The following HLA-DOA variants were observed in gnomAD, a reference collection of about 807,000 sequenced individuals.
HLA-DOA encodes major histocompatibility complex, class II, DO alpha, also known as HLA class II histocompatibility antigen, DO alpha chain.
Under a neutral mutation model 22.9 loss-of-function variants are expected in HLA-DOA, and 27 were observed. The observed-to-expected ratio is 1.18, with a 90% CI of 0.87 to 1.62. The LOEUF (loss-of-function observed/expected upper bound fraction) is 1.62, where lower values mean the gene tolerates loss of function less well. Among genes scored for constraint, HLA-DOA ranks in the 40% most tolerant of loss-of-function variants. The probability of loss-of-function intolerance (pLI) is 0.00; values close to 1 mark genes in which losing one functional copy is unlikely to be tolerated. For synonymous variants in HLA-DOA, 137 were observed against 138.6 expected (o/e 0.99, Z 0.08); for missense variants, 324 against 332.4 (o/e 0.97, Z 0.20).
At chr6:33,007,755 G>A in intron 2 of HLA-DOA, 163 bp from the exon 3 acceptor site, 1 of 896,536 alleles carries the variant, frequency 1.1e-6, no homozygotes, top group Non-Finnish European at 1.7e-6. Flanking sequence ...AGAGGAGACT[G>A]GGGAGGGAGT....
Position 33,008,077 on chromosome 6 carries a change from G to C in HLA-DOA, c.267C>G (p.Ile89Met), listed in dbSNP as rs1436879560. 1 of 1,612,946 alleles carries C rather than the reference G, an allele frequency of 6.2e-7. No individual in the cohort carries two copies. Among genetic ancestry groups the C allele is most frequent in the Non-Finnish European group, 8.5e-7 (1 of 1,180,040 alleles). The change falls in exon 2 of 5, where the codon ATC becomes ATG. Residue 89 changes from isoleucine to methionine, a missense_variant. Physicochemically the swap from Ile to Met is conservative, Grantham distance 10. Coordinates refer to ENST00000229829, the MANE Select transcript of HLA-DOA (RefSeq NM_002119.4). ...TGTCCAGATGGGCTTTGATTGCGGC[G>C]ATGCCGGCCAGCCCGCCCTGCGGGT... is the stretch of plus-strand genomic sequence containing the variant. The part of the protein sequence containing the change: ...RFDPQGGLAG[I>M]AAIKAHLDIL...
intron 2 of HLA-DOA, 42 bp from the exon 3 acceptor site, chr6:33,007,634 C>T (rs765405279): frequency 1.3e-6 from 2 of 1,576,940 alleles, no homozygotes; most frequent in Non-Finnish European, 1.7e-6. Context: ...CATCCCTCAC[C>T]CCAGGGCCTT....
intron 2 of HLA-DOA, 171 bp downstream of exon 2, chr6:33,007,842 G>A: frequency 3.1e-6 from 3 of 958,708 alleles, no homozygotes; most frequent in East Asian, 5.1e-5. Flanking sequence ...CTCAAGGAGA[G>A]GGGTGCCAAA....
chr6:33,006,520 C>A lies in HLA-DOA; in HGVS notation c.*318G>T. On this transcript the variant is annotated 3_prime_UTR_variant, in exon 5 of 5. Transcript: ENST00000229829. ...TGCCAATCCCCAGCACCACATGCCT[C>A]ACCCCTGGAAGAACTGGCCAAGGCC... The A allele has an allele frequency of 1.8e-6, 1 of 549,486 alleles. No individual in the cohort carries two copies. The highest frequency in any genetic ancestry group is 3.1e-5 in the Admixed American group (1 of 32,656). 34.0% of individuals were successfully genotyped at this position (549,486 alleles called of 1,614,324 possible).
rs29029539 is a variant in HLA-DOA at position 33,008,209 on chromosome 6, C to T, written c.135G>A (p.Ser45=). 3.6e-3 allele frequency: 5,778 copies of T among 1,612,420 alleles called. 19 individuals carry two copies. Among genetic ancestry groups the T allele is most frequent in the Middle Eastern group, 4.5e-3 (27 of 6,062 alleles). ...CATCAAATTCATGGGTGAACTGGCC[C>T]GAGGCGCCGTAAGACTGGTAGAAGG... ...GPAFYQSYGA[S]GQFTHEFDEE... Residue 45 remains serine, a synonymous_variant, in exon 2 of 5, where the codon TCG becomes TCA. Coordinates refer to ENST00000229829, the MANE Select transcript of HLA-DOA (RefSeq NM_002119.4).
chr6:33,006,899 A>C, intron 4 of HLA-DOA, 58 bp from the exon 5 acceptor site: 2 of 1,490,480 alleles, frequency 1.3e-6, no homozygotes, highest in Admixed American at 3.3e-5. Flanking sequence ...CTGGGATCCT[A>C]TCTCTGAGTG....
chr6:33,008,184 C>A lies in HLA-DOA; in HGVS notation c.160G>T (p.Glu54Ter), dbSNP rs1318051685. 1 of 1,613,058 alleles carries A rather than the reference C, an allele frequency of 6.2e-7. No homozygotes were observed. The highest frequency in any genetic ancestry group is 8.5e-7 in the Non-Finnish European group (1 of 1,180,038). The change falls in exon 2 of 5, where the codon GAG becomes TAG. Residue 54 changes from glutamate (E) to a stop codon, truncating the protein, a stop_gained. Transcript: ENST00000229829. LOFTEE classifies it high-confidence loss of function. ...AGGTCCACAGAGAACAGCTGTTCCT[C>A]ATCAAATTCATGGGTGAACTGGCCC... ...ASGQFTHEFD[E>*]EQLFSVDLKK... is the part of the protein sequence containing the mutation.
rs777629834 is a variant in HLA-DOA, at chr6:33,008,135, C to T, written c.209G>A (p.Arg70His). The T allele has an allele frequency of 6.2e-6, 10 of 1,612,972 alleles. No individual in the cohort carries two copies. The highest frequency in any genetic ancestry group is 2.2e-5 in the East Asian group (1 of 44,890). ...GGCAAAGTCACCAAACTCAGGCAGA[C>T]GCCACACGGCCTCGCTTTTCTTCAG... ...VDLKKSEAVW[R>H]LPEFGDFARF... The change falls in exon 2 of 5, where the codon CGT (arginine) becomes CAT (histidine). Residue 70 changes from arginine (R) to histidine (H), a missense_variant. Arg to His is a conservative substitution (Grantham distance 29, BLOSUM62 0). Transcript: ENST00000229829.
rs150946180 is a variant in HLA-DOA, at chr6:33,009,182, G to A, written c.82+273C>T. 1.9e-4 allele frequency among the ~76,000 whole-genome samples: 29 copies of A among 152,262 alleles called. No homozygotes were observed. The highest frequency in any genetic ancestry group is 6.5e-4 in the African/African-American group (27 of 41,540). ...GGTGCTTGCTGGCATCTGTTGGGTG[G>A]AGGTTTGGGTCTCAGGAAGGAGGAA... On this transcript the variant is annotated intron_variant, in intron 1 of 4. Coordinates refer to ENST00000229829, the MANE Select transcript of HLA-DOA (RefSeq NM_002119.4). The surrounding 1 kb of genome is among the most constrained non-coding windows in gnomAD (Gnocchi z 4.8).
Position 33,008,089 on chromosome 6 carries a change from C to T in HLA-DOA, c.255G>A (p.Gly85=), listed in dbSNP as rs1444734019. 1 of 1,613,062 alleles carries T rather than the reference C, an allele frequency of 6.2e-7. No homozygotes were observed. The highest frequency in any genetic ancestry group is 1.7e-5 in the Admixed American group (1 of 60,024). Residue 85 remains glycine, a synonymous_variant, in exon 2 of 5, where the codon GGG becomes GGA. Transcript: ENST00000229829. ...GDFARFDPQG[G]LAGIAAIKAH... Reference sequence around the variant, plus strand: ...CTTTGATTGCGGCGATGCCGGCCAGCCCGCCCTGCGGGTCAAAGCGGGCAA... The same window carrying T: ...CTTTGATTGCGGCGATGCCGGCCAGTCCGCCCTGCGGGTCAAAGCGGGCAA...
chr6:33,007,186 C>T lies in HLA-DOA; in HGVS notation c.643G>A (p.Ala215Thr). Residue 215 changes from alanine to threonine, a missense_variant, in exon 4 of 5, where the codon GCC (alanine) becomes ACC (threonine). Coordinates refer to ENST00000229829, the MANE Select transcript of HLA-DOA (RefSeq NM_002119.4). The part of the protein sequence containing the change: ...ELQVPIPPPD[A>T]METLVCALGL... ...AGGGCACAGACCAGGGTCTCCATGG[C>T]ATCTGGTGGTGGAATAGGCACCTGG... 1 of 1,613,866 alleles carries T rather than the reference C, an allele frequency of 6.2e-7. No individual in the cohort carries two copies. The highest frequency in any genetic ancestry group is 8.5e-7 in the Non-Finnish European group (1 of 1,180,036).
Position 33,006,192 on chromosome 6 carries a change from T to C in HLA-DOA, c.*646A>G, listed in dbSNP as rs1477529067. 1 of 140,244 alleles carries C rather than the reference T, an allele frequency of 7.1e-6. No individual in the cohort carries two copies. The highest frequency in any genetic ancestry group is 1.6e-5 in the Non-Finnish European group (1 of 63,130). The allele number at this position is 140,244 out of a possible 1,614,324, so 8.7% of individuals were successfully genotyped here. A position where few individuals can be genotyped will look rare whatever the true frequency, so the allele number is the denominator to read the frequency against. ...CCAAGCCTTGGGCCTCTCTTTATCA[T>C]GCATGGGACTCTAGGGAAAAGTAGA... is the stretch of plus-strand genomic sequence containing the variant. On this transcript the variant is annotated 3_prime_UTR_variant, in exon 5 of 5. Transcript: ENST00000229829.
In HLA-DOA at chr6:33,007,095, AC is replaced by A; in HGVS notation, c.733del (p.Val245CysfsTer36). 1 of 1,612,618 alleles carries A rather than the reference AC, an allele frequency of 6.2e-7. No individual in the cohort carries two copies. Among genetic ancestry groups the A allele is most frequent in the South Asian group, 1.1e-5 (1 of 90,988 alleles). On this transcript the variant is annotated frameshift_variant, in exon 4 of 5. Transcript: ENST00000229829. LOFTEE classifies it high-confidence loss of function. ...GTVLIIMGTY[V>X]SSVPR ...GCCTCTGCACCTGGGGACACTGGACACATATGTGCCCATGATGATGAGGACG... is the reference window on the plus strand; with the variant it reads ...GCCTCTGCACCTGGGGACACTGGACAATATGTGCCCATGATGATGAGGACG...
chr6:33,006,943 A>T, intron 4 of HLA-DOA, 102 bp from the exon 5 acceptor site: 7 of 1,436,506 alleles, frequency 4.9e-6, no homozygotes, highest in Non-Finnish European at 6.8e-6. Context: ...CTCTCACCCC[A>T]CCTCTGCTTC....
At chr6:33,007,703 T>C in intron 2 of HLA-DOA, 111 bp from the exon 3 acceptor site, 3 of 1,259,084 alleles carry the variant, frequency 2.4e-6, no homozygotes, top group Non-Finnish European at 3.3e-6. Flanking sequence ...CAGGGGATGC[T>C]CTGGGGTATC....
At position 33,007,392 on chromosome 6, in the gene HLA-DOA, G is replaced by C. The variant is rs1361221366; in HGVS notation, c.532C>G (p.Pro178Ala). Reference sequence around the variant, plus strand: ...ACGTCCTCGGCTGAGGGCACGAAGGGCAGGTAGTGGAACTTGCGGAACAAA... The same window carrying C: ...ACGTCCTCGGCTGAGGGCACGAAGGCCAGGTAGTGGAACTTGCGGAACAAA... ...DHLFRKFHYL[P>A]FVPSAEDVYD... The change falls in exon 3 of 5, where the codon CCC becomes GCC. Residue 178 changes from proline (P) to alanine (A), a missense_variant. By Grantham distance (27) the Pro-to-Ala change is conservative. Coordinates refer to ENST00000229829, the MANE Select transcript of HLA-DOA (RefSeq NM_002119.4). 2 of 1,605,228 alleles carry C rather than the reference G, an allele frequency of 1.2e-6. No individual in the cohort carries two copies. The highest frequency in any genetic ancestry group is 1.7e-6 in the Non-Finnish European group (2 of 1,175,142).
chr6:33,007,922 G>C (rs9276981), intron 2 of HLA-DOA, 91 bp downstream of exon 2: 273,971 of 1,472,446 alleles, frequency 0.19, 26,109 homozygotes, highest in African/African-American at 0.26. Context: ...GGCGCTGAGA[G>C]CGCGCCCCAG....
Position 33,008,536 on chromosome 6 carries a change from T to C in HLA-DOA, c.83-275A>G, listed in dbSNP as rs41270514. ...GGACTGCCTAAAATCATGCTTGGGG[T>C]TCCAGAATTTAAATCTTGGCTGTGG... On this transcript the variant is annotated intron_variant, in intron 1 of 4. Transcript: ENST00000229829. 2,149 of 778,932 alleles carry C rather than the reference T, an allele frequency of 2.8e-3. 19 individuals carry two copies. Among genetic ancestry groups the C allele is most frequent in the South Asian group, 0.016 (644 of 40,738 alleles). 48.3% of individuals were successfully genotyped at this position (778,932 alleles called of 1,614,324 possible).
Position 33,006,798 on chromosome 6 carries a change from G to T in HLA-DOA, c.*40C>A. The T allele has an allele frequency of 1.2e-6, 2 of 1,612,948 alleles. No individual in the cohort carries two copies. The highest frequency in any genetic ancestry group is 1.7e-6 in the Non-Finnish European group (2 of 1,179,912). ...GGCTGTCACAAACCCATGAGGATCTGCAGGGTGTCTCCCACAAGTCATTTC... is the reference window on the plus strand; with the variant it reads ...GGCTGTCACAAACCCATGAGGATCTTCAGGGTGTCTCCCACAAGTCATTTC... On this transcript the variant is annotated 3_prime_UTR_variant, in exon 5 of 5. Coordinates refer to ENST00000229829, the MANE Select transcript of HLA-DOA (RefSeq NM_002119.4).
Sources: gnomAD v4.1 joint callset for allele counts (sites outside exome capture counted in the v4.1 genomes callset) on GRCh38, gnomAD v4.1.1 for gene constraint, Gnocchi (gnomAD v3.1) non-coding constraint, MANE v1.5 for transcripts, NCBI Gene and HGNC (gene_info 2026-07-23, HGNC 2026-07-21) for gene names.